The following RIT2 variants were observed in gnomAD, a reference collection of about 807,000 sequenced individuals.
RIT2 encodes Ras like without CAAX 2.
In RIT2, 24 loss-of-function variants were observed where a neutral mutation model predicts 23.7. The observed-to-expected ratio is 1.01, with a 90% confidence interval of 0.73 to 1.43. The LOEUF (loss-of-function observed/expected upper bound fraction) is 1.43, where lower values mean the gene tolerates loss of function less well. Among genes scored for constraint, RIT2 ranks in the 40% most tolerant of loss-of-function variants. The pLI is 0.00. For synonymous variants in RIT2, 107 were observed against 91.1 expected (o/e 1.17, Z -0.99); for missense variants, 236 against 266.9 (o/e 0.88, Z 0.81).
chr18:43,091,890 C>T (rs1337608949), intron 1 of RIT2, among the ~76,000 whole-genome samples: 5 of 151,926 alleles, frequency 3.3e-5, no homozygotes, highest in Admixed American at 6.6e-5. Flanking sequence ...TTTCCTTGGC[C>T]TTAGCTACAT....
chr18:43,103,822 G>A (rs1156745500), intron 1 of RIT2, among the ~76,000 whole-genome samples: 3 of 152,178 alleles, frequency 2.0e-5, no homozygotes, highest in African/African-American at 7.2e-5. Context: ...GTTGTTTGGG[G>A]AGGAGAAGAA....
intron 4 of RIT2, among the ~76,000 whole-genome samples, chr18:42,796,460 AC>A (rs1201126864): frequency 4.2e-5 from 3 of 71,910 alleles, no homozygotes; most frequent in African/African-American, 1.5e-4. Context: ...CCAAGAACCC[AC>A]CAATTCCGGA....
intron 4 of RIT2, among the ~76,000 whole-genome samples, chr18:42,896,851 T>C (rs1190212984): frequency 1.3e-5 from 2 of 152,172 alleles, no homozygotes; most frequent in Non-Finnish European, 2.9e-5. Flanking sequence ...TAAATGCCAT[T>C]AGATGGGTAT....
rs77653227 is a variant in RIT2, at chr18:43,026,678, C to CT, written c.160+7132dup. Among the ~76,000 whole-genome samples, 865 of 138,640 alleles carry CT rather than the reference C, an allele frequency of 6.2e-3. 9 individuals are homozygous for CT. Among genetic ancestry groups the CT allele is most frequent in the African/African-American group, 0.019 (711 of 38,214 alleles). 91.0% of individuals were successfully genotyped at this position (138,640 alleles called of 152,430 possible). A position where few individuals can be genotyped will look rare whatever the true frequency, so the allele number is the denominator to read the frequency against. On this transcript the variant is annotated intron_variant, in intron 2 of 4. Coordinates refer to ENST00000326695, the MANE Select transcript of RIT2 (RefSeq NM_002930.4). ...GCTGTAGATGAAAAAGTTTTTCTTT[C>CT]TTTTTTTTTTTTTGTAGAAAGAACC... is the stretch of plus-strand genomic sequence containing the variant.
chr18:42,994,569 C>A (rs1246343431), intron 2 of RIT2, among the ~76,000 whole-genome samples: 2 of 152,082 alleles, frequency 1.3e-5, no homozygotes, highest in African/African-American at 4.8e-5. Flanking sequence ...TTAGAGACTG[C>A]CCCCACCCTA....
At chr18:42,784,524 G>T (rs943379995) in intron 4 of RIT2, among the ~76,000 whole-genome samples, 1 of 151,858 alleles carries the variant, frequency 6.6e-6, no homozygotes, top group Non-Finnish European at 1.5e-5. Flanking sequence ...GCTTTACATG[G>T]TACTTGATTG....
At chr18:43,076,164 A>T (rs1335593793) in intron 1 of RIT2, among the ~76,000 whole-genome samples, 2 of 152,124 alleles carry the variant, frequency 1.3e-5, no homozygotes, top group African/African-American at 4.8e-5. Context: ...AGATTGTGAG[A>T]ATATATTATT....
At chr18:43,038,622 T>C (rs1207903354) in intron 1 of RIT2, among the ~76,000 whole-genome samples, 1 of 152,154 alleles carries the variant, frequency 6.6e-6, no homozygotes, top group Non-Finnish European at 1.5e-5. Context: ...TTTCTGTTTC[T>C]GAGTTTTTCA....
intron 4 of RIT2, among the ~76,000 whole-genome samples, chr18:42,774,097 A>G (rs1242011690): frequency 6.6e-6 from 1 of 152,220 alleles, no homozygotes; most frequent in Non-Finnish European, 1.5e-5. Flanking sequence ...CACTTCCTTT[A>G]AACAAAAAAG....
At chr18:42,969,927 G>A (rs187702021) in intron 3 of RIT2, among the ~76,000 whole-genome samples, 2 of 151,848 alleles carry the variant, frequency 1.3e-5, no homozygotes, top group Non-Finnish European at 2.9e-5. Context: ...TTTTAATTTA[G>A]AGTATCTTCA....
chr18:42,985,904 A>T (rs1910696536), intron 2 of RIT2, among the ~76,000 whole-genome samples: 1 of 152,120 alleles, frequency 6.6e-6, no homozygotes. Context: ...ATTTATAAAA[A>T]TTGGGCTACA....
intron 4 of RIT2, among the ~76,000 whole-genome samples, chr18:42,837,414 G>A (rs140889315): frequency 2.0e-5 from 3 of 151,408 alleles, no homozygotes; most frequent in Admixed American, 1.3e-4. Flanking sequence ...TGATCCGCCC[G>A]ACTTGGCCTC....
chr18:42,900,182 C>T (rs186617766), intron 4 of RIT2, among the ~76,000 whole-genome samples: 6 of 152,050 alleles, frequency 3.9e-5, no homozygotes, highest in Admixed American at 6.6e-5. Flanking sequence ...TTTCATTCTA[C>T]GAAATTTAAT....
chr18:42,759,453 A>C (rs1372585323), intron 4 of RIT2, among the ~76,000 whole-genome samples: 1 of 152,078 alleles, frequency 6.6e-6, no homozygotes, highest in African/African-American at 2.4e-5. Context: ...TGGCATTAAA[A>C]CCCAGGACTT....
At chr18:42,955,626 A>T (rs954930365) in intron 3 of RIT2, among the ~76,000 whole-genome samples, 1 of 152,174 alleles carries the variant, frequency 6.6e-6, no homozygotes, top group Non-Finnish European at 1.5e-5. Context: ...CTGAGTCTCT[A>T]CCCCAAATAT....
intron 1 of RIT2, among the ~76,000 whole-genome samples, chr18:43,107,759 G>A (rs757210051): frequency 1.3e-5 from 2 of 152,084 alleles, no homozygotes; most frequent in Non-Finnish European, 2.9e-5. Context: ...AGCTCCTCAT[G>A]CCACTCACTA....
chr18:42,810,805 C>T (rs1286814002), intron 4 of RIT2, among the ~76,000 whole-genome samples: 1 of 152,020 alleles, frequency 6.6e-6, no homozygotes, highest in Non-Finnish European at 1.5e-5. Flanking sequence ...GCCCATAAAC[C>T]TTCAGATACA....
chr18:43,005,661 C>A (rs888712647), intron 2 of RIT2, among the ~76,000 whole-genome samples: 12 of 151,676 alleles, frequency 7.9e-5, no homozygotes, highest in African/African-American at 2.9e-4. Flanking sequence ...TCAATTTCCT[C>A]ATTTTTTAAA....
chr18:42,813,696 T>C (rs1905914036), intron 4 of RIT2, among the ~76,000 whole-genome samples: 1 of 152,086 alleles, frequency 6.6e-6, no homozygotes, highest in Admixed American at 6.6e-5. Context: ...AAAATAAAAA[T>C]AAAAGTCAAA....
Sources: gnomAD v4.1 joint callset for allele counts (sites outside exome capture counted in the v4.1 genomes callset) on GRCh38, gnomAD v4.1.1 for gene constraint, MANE v1.5 for transcripts, NCBI Gene and HGNC (gene_info 2026-07-23, HGNC 2026-07-21) for gene names.